The following GALNT18 variants were observed in gnomAD, a reference collection of about 807,000 sequenced individuals.
The protein encoded by GALNT18 is GalNAc-transferase 18.
A neutral mutation model predicts 69.5 loss-of-function variants in GALNT18; 44 were observed. The ratio of observed to expected loss-of-function variants is 0.63; its 90% CI spans 0.50 to 0.81. The LOEUF (loss-of-function observed/expected upper bound fraction) is 0.81, where lower values mean the gene tolerates loss of function less well. Ranked by LOEUF, GALNT18 falls within the 40% of genes least tolerant of loss-of-function variation. The pLI, the probability that GALNT18 is intolerant of heterozygous loss-of-function variation, is 0.00. For synonymous variants in GALNT18, 364 were observed against 318.2 expected, an observed-to-expected ratio of 1.14 and a Z score of -1.53; for missense variants, 715 against 810.0, an observed-to-expected ratio of 0.88 and a Z score of 1.42.
At chr11:11,594,822 T>TATATAC (rs1859447381) in intron 1 of GALNT18, among the ~76,000 whole-genome samples, 1 of 25,154 alleles carries the variant, frequency 4.0e-5, no homozygotes. Context: ...TGGGCATATA[T>TATATAC]ATATATATAT....
At chr11:11,307,271 A>G (rs987980390) in intron 9 of GALNT18, among the ~76,000 whole-genome samples, 3 of 152,204 alleles carry the variant, frequency 2.0e-5, no homozygotes, top group African/African-American at 7.2e-5. Flanking sequence ...GTGTTTGTAA[A>G]GTATATGGCA....
rs1320299016 is a variant in GALNT18 at position 11,592,314 on chromosome 11, G to T, written c.235+29045C>A. Among the ~76,000 whole-genome samples, 2 of 152,114 alleles carry T rather than the reference G, an allele frequency of 1.3e-5. No individual in the cohort carries two copies. The highest frequency in any genetic ancestry group is 2.9e-5 in the Non-Finnish European group (2 of 68,012). On this transcript the variant is annotated intron_variant, in intron 1 of 10. Coordinates refer to ENST00000227756, the MANE Select transcript of GALNT18 (RefSeq NM_198516.3). This position sits in a 1 kb window ranked among gnomAD's most constrained non-coding sequence, Gnocchi z 5.9. ...TGCACGGTTACGAAAAAAAATCAAA[G>T]ATGTTTCCCACACATTGTCCAGCAG...
In GALNT18 at chr11:11,621,654, T is replaced by A. The variant is rs1860197489; in HGVS notation, c.-61A>T. On this transcript the variant is annotated 5_prime_UTR_variant, in exon 1 of 11. Transcript: ENST00000227756. This position sits in a 1 kb window ranked among gnomAD's most constrained non-coding sequence, Gnocchi z 9.3. The stretch of plus-strand genomic sequence containing the variant: ...CCCTTCCTTGTCGTGCGCCCCGAAC[T>A]CCCCCGCGCTCGCACCCCGTAGCAC... The A allele has an allele frequency of 7.8e-7, 1 of 1,284,116 alleles. No individual in the cohort carries two copies. Among genetic ancestry groups the A allele is most frequent in the East Asian group, 2.6e-5 (1 of 38,910 alleles). The allele number at this position is 1,284,116 out of a possible 1,614,324, so 79.5% of individuals were successfully genotyped here. A position where few individuals can be genotyped will look rare whatever the true frequency, so the allele number is the denominator to read the frequency against.
chr11:11,293,533 CTTT>C (rs34166465), intron 9 of GALNT18, among the ~76,000 whole-genome samples: 53 of 80,180 alleles, frequency 6.6e-4, no homozygotes, highest in Non-Finnish European at 1.0e-3. Context: ...ACAAACCCCT[CTTT>C]TTTTTTTTTT....
At chr11:11,565,843 T>TA (rs1858637651) in intron 1 of GALNT18, among the ~76,000 whole-genome samples, 1 of 152,190 alleles carries the variant, frequency 6.6e-6, no homozygotes, top group Non-Finnish European at 1.5e-5. Context: ...AACAGGAAGT[T>TA]AAAAAGGTTT....
At chr11:11,593,659 T>A (rs534809792) in intron 1 of GALNT18, among the ~76,000 whole-genome samples, 3 of 152,174 alleles carry the variant, frequency 2.0e-5, no homozygotes, top group Admixed American at 6.5e-5. Flanking sequence ...TCCAATATGG[T>A]GGCTCATGCC....
chr11:11,424,107 C>G (rs1216196295), intron 3 of GALNT18, among the ~76,000 whole-genome samples: 1 of 152,170 alleles, frequency 6.6e-6, no homozygotes, highest in Admixed American at 6.5e-5. Context: ...CCTTCCTGGC[C>G]AAGCCTGCCT....
intron 9 of GALNT18, among the ~76,000 whole-genome samples, chr11:11,312,954 G>A (rs1213297389): frequency 6.6e-6 from 1 of 152,076 alleles, no homozygotes; most frequent in Non-Finnish European, 1.5e-5. Flanking sequence ...AAGACCATCA[G>A]GTGTAACAAT....
chr11:11,288,531 T>A (rs1477248328), intron 10 of GALNT18, among the ~76,000 whole-genome samples: 1 of 152,170 alleles, frequency 6.6e-6, no homozygotes, highest in Admixed American at 6.5e-5. Context: ...GCCCATGAGC[T>A]CCTTGAGGGC....
intron 2 of GALNT18, among the ~76,000 whole-genome samples, chr11:11,443,308 AC>A (rs1190670931): frequency 1.8e-4 from 27 of 150,916 alleles, no homozygotes; most frequent in African/African-American, 5.6e-4. Context: ...CCCTCCTCCT[AC>A]CTCTCCACCC....
rs566869141 is a variant in GALNT18 at position 11,616,149 on chromosome 11, C to G, written c.235+5210G>C. On this transcript the variant is annotated intron_variant, in intron 1 of 10. Transcript: ENST00000227756. The surrounding 1 kb of genome is among the most constrained non-coding windows in gnomAD (Gnocchi z 4.4). ...CCACGCCTGGCCAAACACTGATAGTCTTAGAGAACAATAAGCAAGGACACA... is the reference window on the plus strand; with the variant it reads ...CCACGCCTGGCCAAACACTGATAGTGTTAGAGAACAATAAGCAAGGACACA... Among the ~76,000 whole-genome samples the G allele has an allele frequency of 2.0e-5, 3 of 152,106 alleles. No homozygotes were observed. The highest frequency in any genetic ancestry group is 3.4e-3 in the Middle Eastern group (1 of 294).
chr11:11,478,126 A>G lies in GALNT18; in HGVS notation c.236-29190T>C, dbSNP rs563659948. Among the ~76,000 whole-genome samples the G allele has an allele frequency of 2.0e-5, 3 of 152,330 alleles. No individual in the cohort carries two copies. The South Asian group carries it at 6.2e-4, about 32-fold the overall frequency. ...AGGATATAAGGAAGATTCTAAGAAC[A>G]TACAAAGAGAAAAGAAAACAAAACA... On this transcript the variant is annotated intron_variant, in intron 1 of 10. Coordinates refer to ENST00000227756, the MANE Select transcript of GALNT18 (RefSeq NM_198516.3).
At chr11:11,385,345 G>C (rs1459056994) in intron 3 of GALNT18, among the ~76,000 whole-genome samples, 1 of 151,642 alleles carries the variant, frequency 6.6e-6, no homozygotes, top group Non-Finnish European at 1.5e-5. Context: ...GCCCAGGATG[G>C]AGTGCAGTGG....
intron 1 of GALNT18, among the ~76,000 whole-genome samples, chr11:11,557,377 T>C (rs1203118464): frequency 6.6e-6 from 1 of 152,212 alleles, no homozygotes; most frequent in South Asian, 2.1e-4. Flanking sequence ...CAGCCACTTA[T>C]TGGCTGTGTG....
intron 3 of GALNT18, among the ~76,000 whole-genome samples, chr11:11,412,661 T>G (rs2133759476): frequency 6.6e-6 from 1 of 151,842 alleles, no homozygotes; most frequent in South Asian, 2.1e-4. Flanking sequence ...TCCCAAGGCT[T>G]TTAGAAATGC....
At chr11:11,451,312 A>C (rs1215675565) in intron 1 of GALNT18, among the ~76,000 whole-genome samples, 1 of 152,240 alleles carries the variant, frequency 6.6e-6, no homozygotes, top group East Asian at 1.9e-4. Context: ...GAATCATATA[A>C]TATTTAAAAG....
At chr11:11,349,683 T>C (rs537831567) in intron 6 of GALNT18, among the ~76,000 whole-genome samples, 31 of 152,208 alleles carry the variant, frequency 2.0e-4, no homozygotes, top group Admixed American at 1.5e-3. Context: ...ATTGCACGAA[T>C]GAAGGAACCA....
intron 1 of GALNT18, among the ~76,000 whole-genome samples, chr11:11,549,916 T>C (rs891672332): frequency 2.6e-5 from 4 of 152,184 alleles, no homozygotes; most frequent in African/African-American, 4.8e-5. Flanking sequence ...CAAGGGCCTG[T>C]CCTGGTTGAT....
In GALNT18 at chr11:11,518,326, C is replaced by T. The variant is rs191010371; in HGVS notation, c.236-69390G>A. On this transcript the variant is annotated intron_variant, in intron 1 of 10. Coordinates refer to ENST00000227756, the MANE Select transcript of GALNT18 (RefSeq NM_198516.3). ...ACTAAATTGTAGAGGAAATGATGTG[C>T]AAATGAGAAAATTTTAACACAACCG... Among the ~76,000 whole-genome samples the T allele has an allele frequency of 6.6e-5, 10 of 152,306 alleles. No individual in the cohort carries two copies. In the East Asian group the frequency reaches 1.7e-3, roughly 26 times the overall value.
Sources: gnomAD v4.1 joint callset for allele counts (sites outside exome capture counted in the v4.1 genomes callset) on GRCh38, gnomAD v4.1.1 for gene constraint, Gnocchi (gnomAD v3.1) non-coding constraint, MANE v1.5 for transcripts, NCBI Gene and HGNC (gene_info 2026-07-23, HGNC 2026-07-21) for gene names.